Variants in SYNPO observed in about 807,000 individuals in gnomAD.
SYNPO encodes synaptopodin.
SYNPO carries 19 observed loss-of-function variants against 49.5 expected under a neutral mutation model. That is an observed-to-expected ratio of 0.38 (90% CI 0.27 to 0.56). The LOEUF is 0.56. Among genes scored for constraint, SYNPO ranks in the 20% least tolerant of loss-of-function variants. The pLI, the probability that SYNPO is intolerant of heterozygous loss-of-function variation, is 0.68. For missense variants in SYNPO, 1,131 were observed against 1,248.3 expected (o/e 0.91, Z 1.42); for synonymous variants, 536 against 548.0 (o/e 0.98, Z 0.31).
intron 1 of SYNPO, among the ~76,000 whole-genome samples, chr5:150,609,682 A>T (rs746614591): frequency 1.1e-4 from 16 of 151,548 alleles, no homozygotes; most frequent in Non-Finnish European, 1.8e-4. Context: ...GATAAAAAGC[A>T]GTATGTTATC....
intron 2 of SYNPO, among the ~76,000 whole-genome samples, chr5:150,629,071 T>G (rs1581480299): frequency 6.6e-6 from 1 of 152,186 alleles, no homozygotes; most frequent in African/African-American, 2.4e-5. Flanking sequence ...CAGGCTGGGG[T>G]GCAGTGGCAT....
intron 2 of SYNPO, chr5:150,651,832 G>C: frequency 1.0e-5 from 10 of 1,000,430 alleles, no homozygotes; most frequent in Non-Finnish European, 1.2e-5. Flanking sequence ...ACTTCCCATC[G>C]CCTCTGACAC....
chr5:150,657,987 G>A lies in SYNPO; in HGVS notation c.*900G>A, dbSNP rs1758635924. ...GTTCTGGGCTCAAAGCTGAACTGGG[G>A]AGAGAAGAGATACAGAGCTACCATG... On this transcript the variant is annotated 3_prime_UTR_variant, in exon 3 of 3. Coordinates refer to ENST00000307662, the MANE Select transcript of SYNPO (RefSeq NM_007286.6). 1 of 152,386 alleles carries A rather than the reference G, an allele frequency of 6.6e-6. No individual in the cohort carries two copies. Among genetic ancestry groups the A allele is most frequent in the African/African-American group, 2.4e-5 (1 of 41,460 alleles). The allele number at this position is 152,386 out of a possible 1,614,324, so 9.4% of individuals were successfully genotyped here.
intron 1 of SYNPO, among the ~76,000 whole-genome samples, chr5:150,643,555 G>A (rs1474710914): frequency 6.6e-6 from 1 of 152,176 alleles, no homozygotes; most frequent in African/African-American, 2.4e-5. Context: ...TTGTTGTTGA[G>A]ATGGAATGTC....
chr5:150,604,932 C>T (rs1756649846), intron 1 of SYNPO, among the ~76,000 whole-genome samples: 1 of 152,126 alleles, frequency 6.6e-6, no homozygotes, highest in Non-Finnish European at 1.5e-5. Flanking sequence ...GGTTCCAGTC[C>T]CATCCCCGCT....
intron 2 of SYNPO, among the ~76,000 whole-genome samples, chr5:150,632,012 T>C (rs1470289610): frequency 6.6e-6 from 1 of 152,134 alleles, no homozygotes; most frequent in Non-Finnish European, 1.5e-5. Context: ...GCCTGTCCCC[T>C]GTTCCATTCC....
intron 1 of SYNPO, among the ~76,000 whole-genome samples, chr5:150,643,884 G>A (rs2151411798): frequency 6.6e-6 from 1 of 152,176 alleles, no homozygotes; most frequent in African/African-American, 2.4e-5. Context: ...CATCAAGAAA[G>A]CGGATGATGG....
At chr5:150,640,072 C>T (rs1561649037), upstream of SYNPO, 1 of 937,334 alleles carries the variant, frequency 1.1e-6, no homozygotes, top group Non-Finnish European at 1.3e-6. Context: ...GAGGATAGTG[C>T]TGGCCTCATG....
At chr5:150,595,836 A>G in the SYNPO span, among the ~76,000 whole-genome samples, 1 of 120,696 alleles carries the variant, frequency 8.3e-6, no homozygotes, top group Non-Finnish European at 1.7e-5. Context: ...ATTCTCTCCA[A>G]GTTCTCATGC....
At chr5:150,638,742 G>A (rs980314988), upstream of SYNPO, among the ~76,000 whole-genome samples, 1 of 152,222 alleles carries the variant, frequency 6.6e-6, no homozygotes, top group African/African-American at 2.4e-5. Context: ...GACCCTGGCA[G>A]AGGCACTGTT....
At chr5:150,651,829 A>G (rs772584890) in intron 2 of SYNPO, 8 of 1,000,476 alleles carry the variant, frequency 8.0e-6, no homozygotes, top group South Asian at 4.7e-5. Flanking sequence ...GAGACTTCCC[A>G]TCGCCTCTGA....
the SYNPO span, among the ~76,000 whole-genome samples, chr5:150,590,314 G>C: frequency 6.6e-6 from 1 of 152,218 alleles, no homozygotes; most frequent in African/African-American, 2.4e-5. Flanking sequence ...TAGGCCCCTG[G>C]AGGGGGAGAG....
At chr5:150,651,269 CA>C in intron 2 of SYNPO, 8 of 1,001,398 alleles carry the variant, frequency 8.0e-6, no homozygotes, top group South Asian at 4.7e-5. Flanking sequence ...GAACGGGGCC[CA>C]GGGGGAGGCA....
At chr5:150,603,840 G>A (rs1756617095) in intron 1 of SYNPO, among the ~76,000 whole-genome samples, 1 of 152,230 alleles carries the variant, frequency 6.6e-6, no homozygotes, top group African/African-American at 2.4e-5. Flanking sequence ...AGGAGGCATT[G>A]TCCTTGATGA....
At chr5:150,594,441 A>T in the SYNPO span, among the ~76,000 whole-genome samples, 1 of 152,132 alleles carries the variant, frequency 6.6e-6, no homozygotes, top group Admixed American at 6.5e-5. Context: ...CTAAAAAGCA[A>T]CCAGTCTTCC....
chr5:150,657,059 TCC>T lies in SYNPO; in HGVS notation c.2687_2688del (p.Pro896ArgfsTer61), dbSNP rs1284820406. Reference sequence around the variant, plus strand: ...AGCCTTCGGCTCAAGCGTGGCAGCCTCCCCGCCGAGGCCTCCTGCACCACCTA... The same window carrying T: ...AGCCTTCGGCTCAAGCGTGGCAGCCTCCGCCGAGGCCTCCTGCACCACCTA... On this transcript the variant is annotated frameshift_variant, in exon 3 of 3. Transcript: ENST00000307662. LOFTEE classifies it high-confidence loss of function. 1.3e-6 allele frequency: 2 copies of T among 1,593,362 alleles called. No individual in the cohort carries two copies. Among genetic ancestry groups the T allele is most frequent in the South Asian group, 2.3e-5 (2 of 88,200 alleles).
At chr5:150,656,341 T>C in intron 2 of SYNPO, 63 bp from the exon 3 acceptor site, 1 of 1,358,274 alleles carries the variant, frequency 7.4e-7, no homozygotes, top group Non-Finnish European at 1.0e-6. Flanking sequence ...CGTCCCTTCC[T>C]AAAGCCCGGT....
upstream of SYNPO, among the ~76,000 whole-genome samples, chr5:150,600,924 C>G (rs760807974): frequency 1.3e-5 from 2 of 152,062 alleles, no homozygotes; most frequent in African/African-American, 4.8e-5. Context: ...AAAATATAGA[C>G]GGCTAATGTC....
chr5:150,656,774 CGCGCAT>C lies in SYNPO; in HGVS notation c.2404_2409del (p.Met802_Arg803del). On this transcript the variant is annotated inframe_deletion, in exon 3 of 3. Transcript: ENST00000307662. ...CCGCCCCCGCCCCCGCCCCCGCCCC[CGCGCAT>C]GCGCTCGCCACAGCCCGCCCGCCCC... The C allele has an allele frequency of 9.8e-6, 12 of 1,230,742 alleles. No homozygotes were observed. The highest frequency in any genetic ancestry group is 1.2e-5 in the Non-Finnish European group (12 of 988,766). 76.2% of individuals were successfully genotyped at this position (1,230,742 alleles called of 1,614,324 possible).
Sources: gnomAD v4.1 joint callset for allele counts (sites outside exome capture counted in the v4.1 genomes callset) on GRCh38, gnomAD v4.1.1 for gene constraint, MANE v1.5 for transcripts, NCBI Gene and HGNC (gene_info 2026-07-23, HGNC 2026-07-21) for gene names.